The following CFAP70 variants were observed in gnomAD, a reference collection of about 807,000 sequenced individuals.
The protein encoded by CFAP70 is cilia and flagella associated protein 70.
CFAP70 carries 81 observed loss-of-function variants against 137.6 expected under a neutral mutation model. The observed-to-expected ratio is 0.59, with a 90% CI of 0.49 to 0.71. The LOEUF is 0.71. CFAP70 is among the 30% of genes least tolerant of loss of function. CFAP70 has a pLI of 0.00. For missense variants in CFAP70, 976 were observed against 1,226.7 expected (o/e 0.80, Z 3.05); for synonymous variants, 382 against 423.6 (o/e 0.90, Z 1.20).
intron 9 of CFAP70, among the ~76,000 whole-genome samples, chr10:73,314,163 C>T (rs1386218445): frequency 6.6e-6 from 1 of 151,986 alleles, no homozygotes; most frequent in East Asian, 1.9e-4. Context: ...GAGGGGTGGA[C>T]AGAGGTGGGC....
intron 25 of CFAP70, among the ~76,000 whole-genome samples, chr10:73,264,371 T>A (rs1363305710): frequency 6.6e-6 from 1 of 152,356 alleles, no homozygotes; most frequent in East Asian, 1.9e-4. Flanking sequence ...TAGACACATA[T>A]GAATATATTT....
chr10:73,283,335 C>T (rs1455698921), intron 19 of CFAP70, among the ~76,000 whole-genome samples: 2 of 152,134 alleles, frequency 1.3e-5, no homozygotes, highest in Non-Finnish European at 2.9e-5. Flanking sequence ...TCTATAATAT[C>T]AATTGGATCC....
At chr10:73,346,643 C>CA (rs58096049) in intron 4 of CFAP70, among the ~76,000 whole-genome samples, 6,782 of 138,458 alleles carry the variant, frequency 0.049, 460 homozygotes, top group African/African-American at 0.16. Flanking sequence ...AACTCCATCT[C>CA]AAAAAAAAAA....
chr10:73,286,671 C>T (rs1400314862), intron 19 of CFAP70, among the ~76,000 whole-genome samples: 1 of 152,102 alleles, frequency 6.6e-6, no homozygotes, highest in Non-Finnish European at 1.5e-5. Flanking sequence ...GACCCTAACC[C>T]AGTGGCGCTA....
chr10:73,315,993 G>A (rs891008206), intron 9 of CFAP70, among the ~76,000 whole-genome samples: 2 of 152,126 alleles, frequency 1.3e-5, no homozygotes, highest in African/African-American at 4.8e-5. Flanking sequence ...TGAGGTGATT[G>A]TGTTGTACTG....
chr10:73,339,797 C>G (rs2053078383), intron 6 of CFAP70, among the ~76,000 whole-genome samples: 1 of 150,118 alleles, frequency 6.7e-6, no homozygotes, highest in South Asian at 2.1e-4. Context: ...CTTGGAGACA[C>G]CAGAAACTGA....
At chr10:73,322,827 A>C in intron 9 of CFAP70, 136 bp downstream of exon 10, 1 of 711,452 alleles carries the variant, frequency 1.4e-6, no homozygotes, top group Non-Finnish European at 2.1e-6. Context: ...GAATGACTGT[A>C]AGGCTATATA....
chr10:73,284,316 T>A (rs1564782616), intron 19 of CFAP70, among the ~76,000 whole-genome samples: 1 of 152,058 alleles, frequency 6.6e-6, no homozygotes, highest in Non-Finnish European at 1.5e-5. Flanking sequence ...TTCTCCTGCA[T>A]CTCTCATATA....
chr10:73,313,976 C>T (rs897606189), intron 9 of CFAP70, among the ~76,000 whole-genome samples: 1 of 152,144 alleles, frequency 6.6e-6, no homozygotes, highest in African/African-American at 2.4e-5. Context: ...CAAAGAAAAA[C>T]CTTTGTATGG....
intron 25 of CFAP70, among the ~76,000 whole-genome samples, chr10:73,264,480 CACT>C (rs1216016654): frequency 3.3e-5 from 5 of 152,168 alleles, no homozygotes; most frequent in African/African-American, 9.7e-5. Context: ...TCTAATCCAC[CACT>C]ACAAGGTCAT....
At chr10:73,331,237 T>C (rs747352036) in exon 8 of CFAP70, 9 of 1,613,612 alleles carry the variant, frequency 5.6e-6, no homozygotes, top group Non-Finnish European at 7.6e-6. Context: ...TTGTGATCTC[T>C]ACAGGCCAAA....
chr10:73,323,331 C>CA (rs548011171), intron 8 of CFAP70, among the ~76,000 whole-genome samples: 15 of 47,456 alleles, frequency 3.2e-4, no homozygotes, highest in African/African-American at 1.2e-3. Context: ...ATGGCGGGGG[C>CA]GGGGGGGGGG....
chr10:73,279,642 TAAGCTC>T (rs1391890410), intron 19 of CFAP70, among the ~76,000 whole-genome samples: 1 of 152,002 alleles, frequency 6.6e-6, no homozygotes, highest in African/African-American at 2.4e-5. Flanking sequence ...GAGGACTGCT[TAAGCTC>T]AGGAGTTCAA....
In CFAP70 at chr10:73,354,839, T is replaced by C. The variant is rs541737995; in HGVS notation, c.-39-4A>G. On this transcript the variant is annotated splice_polypyrimidine_tract_variant and splice_region_variant and intron_variant, in intron 1 of 26. Coordinates refer to ENST00000310715, the Ensembl canonical transcript of CFAP70. Reference sequence around the variant, plus strand: ...GTCCCTCTGTTTTCTTTGGTCTCTGTAAACAGAATGAATCAACCTGTCCCC... The same window carrying C: ...GTCCCTCTGTTTTCTTTGGTCTCTGCAAACAGAATGAATCAACCTGTCCCC... The C allele has an allele frequency of 5.1e-6, 8 of 1,560,356 alleles. No homozygotes were observed. In the South Asian group the frequency reaches 6.7e-5, roughly 13 times the overall value.
At chr10:73,286,312 C>T (rs756603527) in intron 19 of CFAP70, among the ~76,000 whole-genome samples, 10 of 151,908 alleles carry the variant, frequency 6.6e-5, no homozygotes, top group African/African-American at 2.2e-4. Flanking sequence ...GGCGTGGTGG[C>T]GGGTGCCTGT....
At chr10:73,279,187 A>G (rs1564774267) in intron 19 of CFAP70, 1 of 152,036 alleles carries the variant, frequency 6.6e-6, no homozygotes, top group Non-Finnish European at 1.5e-5. Context: ...GTAACAAAAT[A>G]TCACTCCATA....
rs571534659 is a variant in CFAP70 at position 73,300,155 on chromosome 10, C to T, written c.1257-490G>A. On this transcript the variant is annotated intron_variant, in intron 12 of 26. Transcript: ENST00000310715. ...TAATTTATAGGGCTGCATTAAATTA[C>T]AATAATGCTATCAAAACTTAATCCA... 5.9e-5 allele frequency among the ~76,000 whole-genome samples: 9 copies of T among 152,262 alleles called. No homozygotes were observed. In the South Asian group the frequency reaches 1.5e-3, roughly 25 times the overall value.
intron 5 of CFAP70, among the ~76,000 whole-genome samples, chr10:73,342,454 G>A (rs111276472): frequency 2.6e-5 from 4 of 152,004 alleles, no homozygotes; most frequent in African/African-American, 9.7e-5. Context: ...GAGGTGAGAG[G>A]ATTGCTTGAG....
intron 9 of CFAP70, among the ~76,000 whole-genome samples, chr10:73,313,778 G>A (rs1255657156): frequency 1.3e-5 from 2 of 152,168 alleles, no homozygotes; most frequent in Non-Finnish European, 2.9e-5. Flanking sequence ...GGGAGGCGGA[G>A]GTTGCAGTGA....
Sources: gnomAD v4.1 joint callset for allele counts (sites outside exome capture counted in the v4.1 genomes callset) on GRCh38, gnomAD v4.1.1 for gene constraint, MANE v1.5 for transcripts, NCBI Gene and HGNC (gene_info 2026-07-23, HGNC 2026-07-21) for gene names.